The following TUSC3 variants were observed in gnomAD, a reference collection of about 807,000 sequenced individuals.
The protein encoded by TUSC3 is tumor suppressor candidate 3.
A neutral mutation model predicts 44.8 loss-of-function variants in TUSC3; 45 were observed. That is an observed-to-expected ratio of 1.00 (90% CI 0.79 to 1.29). The LOEUF (loss-of-function observed/expected upper bound fraction) is 1.29. Among genes scored for constraint, TUSC3 ranks in the 50% most tolerant of loss-of-function variants. The pLI, the probability that TUSC3 is intolerant of heterozygous loss-of-function variation, is 0.00. For missense variants in TUSC3, 519 were observed against 437.9 expected, an observed-to-expected ratio of 1.19 and a Z score of -1.65; for synonymous variants, 212 against 152.9, an observed-to-expected ratio of 1.39 and a Z score of -2.85.
At chr8:15,619,679 G>C (rs978006731) in intron 1 of TUSC3, among the ~76,000 whole-genome samples, 5 of 151,870 alleles carry the variant, frequency 3.3e-5, no homozygotes, top group African/African-American at 1.2e-4. Flanking sequence ...TTTTTTGTTT[G>C]TTTGTTTGTT....
At chr8:15,788,143 T>A in the TUSC3 span, among the ~76,000 whole-genome samples, 2 of 152,110 alleles carry the variant, frequency 1.3e-5, no homozygotes, top group African/African-American at 4.8e-5. Context: ...CAGACAAGAA[T>A]ATATGGGAGA....
chr8:15,785,472 T>C, the TUSC3 span, among the ~76,000 whole-genome samples: 38 of 152,006 alleles, frequency 2.5e-4, no homozygotes, highest in African/African-American at 8.9e-4. Context: ...TTTTTTCTAT[T>C]CAGTCACCAT....
At chr8:15,804,579 G>A in the TUSC3 span, among the ~76,000 whole-genome samples, 57 of 152,274 alleles carry the variant, frequency 3.7e-4, no homozygotes, top group Non-Finnish European at 7.1e-4. Flanking sequence ...TGAATAGGGA[G>A]TACTTTCCTC....
At chr8:15,463,569 A>G (rs1800375969) in intron 1 of TUSC3, among the ~76,000 whole-genome samples, 1 of 152,170 alleles carries the variant, frequency 6.6e-6, no homozygotes, top group African/African-American at 2.4e-5. Context: ...AGGTAATAGA[A>G]TGGTCTAGTG....
chr8:15,652,676 T>C (rs183589170), intron 3 of TUSC3, among the ~76,000 whole-genome samples: 55 of 152,246 alleles, frequency 3.6e-4, no homozygotes, highest in Admixed American at 8.5e-4. Context: ...TTATTTCATA[T>C]AAGTAATAGA....
the TUSC3 span, among the ~76,000 whole-genome samples, chr8:15,788,546 CAAAAAAAAAA>C: frequency 1.5e-4 from 11 of 75,544 alleles, no homozygotes; most frequent in East Asian, 4.8e-3. Context: ...GACTCTATCT[CAAAAAAAAAA>C]AAAAAAAAGG....
chr8:15,648,508 C>T (rs1436681890), intron 2 of TUSC3, among the ~76,000 whole-genome samples: 3 of 151,596 alleles, frequency 2.0e-5, no homozygotes, highest in African/African-American at 7.3e-5. Context: ...GGGCGGATCA[C>T]GAGGTCAGGA....
chr8:15,483,649 A>ATTTTTTTTTTTTTTTTTTTTTTTTTTTTT (rs60092911), intron 2 of TUSC3, among the ~76,000 whole-genome samples: 2 of 66,160 alleles, frequency 3.0e-5, no homozygotes, highest in Admixed American at 2.4e-4. Context: ...TAGCACTGTG[A>ATTTTTTTTTTTTTTTTTTTTTTTTTTTTT]TTTTTTTTTT....
chr8:15,810,100 T>C, the TUSC3 span, among the ~76,000 whole-genome samples: 1 of 152,138 alleles, frequency 6.6e-6, no homozygotes, highest in African/African-American at 2.4e-5. Context: ...GTTCTCATAG[T>C]GTGTCCTTGG....
At chr8:15,726,336 T>C (rs780776850) in intron 6 of TUSC3, among the ~76,000 whole-genome samples, 8 of 152,176 alleles carry the variant, frequency 5.3e-5, no homozygotes, top group Non-Finnish European at 1.2e-4. Flanking sequence ...ATTAAGAACA[T>C]AGTATCATTC....
chr8:15,697,430 T>G (rs1179538986), intron 6 of TUSC3, among the ~76,000 whole-genome samples: 4 of 152,212 alleles, frequency 2.6e-5, no homozygotes, highest in Non-Finnish European at 4.4e-5. Context: ...CTATGAACTT[T>G]CCTCCTTGCA....
At chr8:15,458,775 C>A (rs1283472767) in intron 1 of TUSC3, among the ~76,000 whole-genome samples, 1 of 152,162 alleles carries the variant, frequency 6.6e-6, no homozygotes, top group Non-Finnish European at 1.5e-5. Flanking sequence ...CCAATCTTCA[C>A]TAGGGAAGAA....
intron 2 of TUSC3, among the ~76,000 whole-genome samples, chr8:15,625,991 G>C (rs950048464): frequency 1.3e-5 from 2 of 152,318 alleles, no homozygotes; most frequent in African/African-American, 2.4e-5. Context: ...TGGCAGCAGC[G>C]GGCCATCCGA....
chr8:15,706,191 C>T (rs1478789293), intron 6 of TUSC3, among the ~76,000 whole-genome samples: 1 of 151,796 alleles, frequency 6.6e-6, no homozygotes, highest in Non-Finnish European at 1.5e-5. Flanking sequence ...TAATAAATTA[C>T]TATTATTGCA....
At chr8:15,667,314 A>G (rs1202153609) in intron 5 of TUSC3, among the ~76,000 whole-genome samples, 1 of 151,666 alleles carries the variant, frequency 6.6e-6, no homozygotes, top group Non-Finnish European at 1.5e-5. Context: ...TAGATTGAGT[A>G]TAAATGAAAG....
intron 1 of TUSC3, among the ~76,000 whole-genome samples, chr8:15,564,253 C>G (rs1325154301): frequency 6.6e-6 from 1 of 151,910 alleles, no homozygotes; most frequent in Non-Finnish European, 1.5e-5. Flanking sequence ...TAGTAGATAA[C>G]TAAGTTTGGG....
At chr8:15,798,402 T>C in the TUSC3 span, among the ~76,000 whole-genome samples, 1 of 152,174 alleles carries the variant, frequency 6.6e-6, no homozygotes, top group African/African-American at 2.4e-5. Flanking sequence ...CCCAAACTTA[T>C]TCCAGTAGGT....
intron 6 of TUSC3, among the ~76,000 whole-genome samples, chr8:15,725,369 A>T (rs887263157): frequency 1.3e-5 from 2 of 152,186 alleles, no homozygotes; most frequent in African/African-American, 4.8e-5. Flanking sequence ...GGGTTAATCA[A>T]ACACGTTTGT....
At chr8:15,449,462 C>A (rs1563253838) in intron 1 of TUSC3, among the ~76,000 whole-genome samples, 1 of 152,054 alleles carries the variant, frequency 6.6e-6, no homozygotes, top group African/African-American at 2.4e-5. Flanking sequence ...TGGTCTCTTA[C>A]CAGGAAGGAA....
Sources: allele counts gnomAD v4.1 joint callset (sites outside exome capture counted in the v4.1 genomes callset), GRCh38; gene constraint gnomAD v4.1.1; transcripts MANE v1.5; gene names NCBI Gene and HGNC (gene_info 2026-07-23, HGNC 2026-07-21).